Variants in POU6F2 observed in about 807,000 individuals in gnomAD.
POU6F2 encodes POU class 6 homeobox 2.
Under a neutral mutation model 71.3 loss-of-function variants are expected in POU6F2, and 31 were observed. The ratio of observed to expected loss-of-function variants is 0.43; its 90% CI spans 0.33 to 0.59. POU6F2 has a LOEUF of 0.59. Among genes scored for constraint, POU6F2 ranks in the 20% least tolerant of loss-of-function variants. The pLI, the probability that POU6F2 is intolerant of heterozygous loss-of-function variation, is 0.04. For missense variants in POU6F2, 783 were observed against 856.8 expected (o/e 0.91, Z 1.07); for synonymous variants, 347 against 355.7 (o/e 0.98, Z 0.27).
At chr7:39,077,563 G>A (rs555368740) in intron 1 of POU6F2, among the ~76,000 whole-genome samples, 47 of 152,270 alleles carry the variant, frequency 3.1e-4, no homozygotes, top group African/African-American at 9.4e-4. Context: ...TTAAGAGGAC[G>A]TGGCATTCAT....
chr7:39,228,689 C>T (rs1469443825), intron 4 of POU6F2, among the ~76,000 whole-genome samples: 5 of 152,128 alleles, frequency 3.3e-5, no homozygotes, highest in African/African-American at 9.7e-5. Flanking sequence ...AAACAATATA[C>T]TGGAGTAAAT....
chr7:38,981,287 C>T (rs972357740), intron 1 of POU6F2, among the ~76,000 whole-genome samples: 2 of 151,984 alleles, frequency 1.3e-5, no homozygotes, highest in African/African-American at 4.8e-5. Context: ...TTTTTGCAGA[C>T]CTGAGCTTGT....
intron 1 of POU6F2, among the ~76,000 whole-genome samples, chr7:39,069,153 A>G (rs1790822932): frequency 6.6e-6 from 1 of 152,192 alleles, no homozygotes; most frequent in East Asian, 1.9e-4. Context: ...AAAAAGCACA[A>G]GCTCCTTGCC....
chr7:39,024,549 A>G (rs551173445), intron 1 of POU6F2, among the ~76,000 whole-genome samples: 1 of 152,228 alleles, frequency 6.6e-6, no homozygotes, highest in East Asian at 1.9e-4. Context: ...TATGTCGAAT[A>G]GGAGTGGTGA....
chr7:39,149,885 C>CTTT (rs70977463), intron 2 of POU6F2, among the ~76,000 whole-genome samples: 11 of 142,338 alleles, frequency 7.7e-5, no homozygotes, highest in Non-Finnish European at 9.1e-5. Flanking sequence ...GCAAGATTTC[C>CTTT]TTTTTTTTTT....
At chr7:39,248,903 C>T (rs1032573829) in intron 4 of POU6F2, among the ~76,000 whole-genome samples, 1 of 152,182 alleles carries the variant, frequency 6.6e-6, no homozygotes, top group African/African-American at 2.4e-5. Context: ...TAGCATTTCT[C>T]ACACTGCCCC....
chr7:39,078,968 T>A (rs1791055153), intron 1 of POU6F2, among the ~76,000 whole-genome samples: 1 of 152,130 alleles, frequency 6.6e-6, no homozygotes, highest in African/African-American at 2.4e-5. Context: ...CAGCATCCCC[T>A]ACAGCATCTA....
chr7:39,071,645 C>T (rs1029608263), intron 1 of POU6F2, among the ~76,000 whole-genome samples: 2 of 145,186 alleles, frequency 1.4e-5, no homozygotes, highest in African/African-American at 5.2e-5. Context: ...GAAACCCCAT[C>T]TCTAAAGAAA....
At chr7:39,191,561 T>A (rs1793664995) in intron 2 of POU6F2, among the ~76,000 whole-genome samples, 1 of 152,154 alleles carries the variant, frequency 6.6e-6, no homozygotes. Flanking sequence ...AAAAATAAGT[T>A]GATATAACAA....
chr7:39,084,385 A>T (rs1791191817), intron 1 of POU6F2, among the ~76,000 whole-genome samples: 2 of 152,220 alleles, frequency 1.3e-5, no homozygotes, highest in South Asian at 4.1e-4. Context: ...GTGAGATTCA[A>T]TTAAGTATTA....
chr7:39,301,458 C>T (rs994823699), intron 4 of POU6F2, among the ~76,000 whole-genome samples: 3 of 152,228 alleles, frequency 2.0e-5, no homozygotes, highest in African/African-American at 4.8e-5. Flanking sequence ...GGCTTTTTAA[C>T]ATGTGCTGCT....
chr7:39,275,057 T>G (rs1198763446), intron 4 of POU6F2, among the ~76,000 whole-genome samples: 1 of 150,476 alleles, frequency 6.6e-6, no homozygotes, highest in Non-Finnish European at 1.5e-5. Context: ...CCAGGGCAAT[T>G]AGGCAGGAGA....
At position 39,144,928 on chromosome 7, in the gene POU6F2, G is replaced by A. The variant is rs187220741; in HGVS notation, c.277+58897G>A. 1.2e-3 allele frequency among the ~76,000 whole-genome samples: 183 copies of A among 152,256 alleles called. 1 individual carries two copies. The highest frequency in any genetic ancestry group is 2.0e-3 in the Non-Finnish European group (139 of 68,028). ...GCCTCCTTTCTCCACTGGAGTTCAA[G>A]TGGCCCAGGTCATTATTGACTCATG... On this transcript the variant is annotated intron_variant, in intron 2 of 9. Transcript: ENST00000518318.
At chr7:39,056,410 A>G (rs1314927595) in intron 1 of POU6F2, among the ~76,000 whole-genome samples, 2 of 152,148 alleles carry the variant, frequency 1.3e-5, no homozygotes, top group Non-Finnish European at 2.9e-5. Context: ...TTAAAAATGT[A>G]TAACAATATA....
intron 6 of POU6F2, among the ~76,000 whole-genome samples, chr7:39,414,458 C>G (rs993931782): frequency 1.3e-5 from 2 of 152,170 alleles, no homozygotes; most frequent in Non-Finnish European, 2.9e-5. Context: ...GTGGAGGGGG[C>G]GGCTGTGGAG....
chr7:39,331,170 A>G (rs1785640681), intron 4 of POU6F2, among the ~76,000 whole-genome samples: 2 of 152,220 alleles, frequency 1.3e-5, no homozygotes, highest in Admixed American at 6.5e-5. Flanking sequence ...TTCTTTATCC[A>G]TTCACAGTTG....
chr7:39,011,899 C>A (rs201818756), intron 1 of POU6F2, among the ~76,000 whole-genome samples: 10 of 151,966 alleles, frequency 6.6e-5, no homozygotes, highest in Admixed American at 1.3e-4. Context: ...ATCCGCTGTT[C>A]GTCTGATGGG....
chr7:39,330,111 C>T (rs578033019), intron 4 of POU6F2, among the ~76,000 whole-genome samples: 40 of 152,284 alleles, frequency 2.6e-4, no homozygotes, highest in African/African-American at 9.1e-4. Context: ...CACATTTAAC[C>T]GTTTCTGGTT....
At chr7:39,419,749 A>G (rs747846948) in intron 6 of POU6F2, among the ~76,000 whole-genome samples, 1 of 152,172 alleles carries the variant, frequency 6.6e-6, no homozygotes, top group Non-Finnish European at 1.5e-5. Flanking sequence ...CTTGAAACCC[A>G]TGGTCCCGCC....
Sources: allele counts gnomAD v4.1 joint callset (sites outside exome capture counted in the v4.1 genomes callset), GRCh38; gene constraint gnomAD v4.1.1; transcripts MANE v1.5; gene names NCBI Gene and HGNC (gene_info 2026-07-23, HGNC 2026-07-21).